SKI: variants seen among roughly 807,000 people sequenced by gnomAD.
The protein encoded by SKI is ski oncogene.
SKI carries 23 observed loss-of-function variants against 59.3 expected under a neutral mutation model. The observed-to-expected ratio is 0.39, with a 90% confidence interval of 0.28 to 0.55. SKI has a LOEUF of 0.55. Among genes scored for constraint, SKI ranks in the 20% least tolerant of loss-of-function variants. The pLI, the probability that SKI is intolerant of heterozygous loss-of-function variation, is 0.67. For synonymous variants in SKI, 673 were observed against 488.6 expected (o/e 1.38, Z -4.98); for missense variants, 1,017 against 1,038.9 (o/e 0.98, Z 0.29).
At chr1:2,285,660 G>A (rs1408853398) in intron 1 of SKI, among the ~76,000 whole-genome samples, 1 of 151,062 alleles carries the variant, frequency 6.6e-6, no homozygotes, top group Non-Finnish European at 1.5e-5. Flanking sequence ...CGCCTCCCGG[G>A]TTCAGGCAGT....
At chr1:2,279,560 A>G (rs1035084780) in intron 1 of SKI, among the ~76,000 whole-genome samples, 3 of 148,152 alleles carry the variant, frequency 2.0e-5, no homozygotes, top group African/African-American at 7.4e-5. Context: ...TCCTCTGACA[A>G]CAGCTCCAGC....
chr1:2,296,764 G>A (rs1384752423), intron 1 of SKI, among the ~76,000 whole-genome samples: 1 of 152,128 alleles, frequency 6.6e-6, no homozygotes, highest in East Asian at 1.9e-4. Context: ...TTTTCTCTCT[G>A]TTCCTTGTGC....
At chr1:2,284,200 C>T (rs1174921387) in intron 1 of SKI, among the ~76,000 whole-genome samples, 1 of 152,146 alleles carries the variant, frequency 6.6e-6, no homozygotes, top group Non-Finnish European at 1.5e-5. Context: ...GGCCCCAACA[C>T]AGCGTCCTCC....
At chr1:2,238,384 G>A (rs1357306426) in intron 1 of SKI, among the ~76,000 whole-genome samples, 3 of 152,012 alleles carry the variant, frequency 2.0e-5, no homozygotes, top group Non-Finnish European at 4.4e-5. Flanking sequence ...AAGGTCGGCG[G>A]CCCTGCGTGG....
In SKI at chr1:2,304,605, C is replaced by G; in HGVS notation, c.1767+20C>G. 1 of 1,535,980 alleles carries G rather than the reference C, an allele frequency of 6.5e-7. No homozygotes were observed. The highest frequency in any genetic ancestry group is 8.8e-7 in the Non-Finnish European group (1 of 1,138,358). On this transcript the variant is annotated intron_variant, in intron 5 of 6. Transcript: ENST00000378536. ...CACCAGGTGAGCGGGGCGAGTGGTGCTGGGAGGTCCAGGGCACGGGCAGTG... is the reference window on the plus strand; with the variant it reads ...CACCAGGTGAGCGGGGCGAGTGGTGGTGGGAGGTCCAGGGCACGGGCAGTG...
chr1:2,255,859 G>C (rs1420161361), intron 1 of SKI, among the ~76,000 whole-genome samples: 1 of 133,452 alleles, frequency 7.5e-6, no homozygotes, highest in Non-Finnish European at 1.6e-5. Flanking sequence ...TGCTGTGTCC[G>C]GATTGCATTT....
intron 1 of SKI, among the ~76,000 whole-genome samples, chr1:2,241,642 C>T (rs548660959): frequency 6.6e-6 from 1 of 152,220 alleles, no homozygotes; most frequent in Non-Finnish European, 1.5e-5. Flanking sequence ...ATCCGCCCGC[C>T]TCGGCCTCCC....
intron 1 of SKI, among the ~76,000 whole-genome samples, chr1:2,296,100 C>G (rs1004916945): frequency 4.6e-5 from 7 of 151,922 alleles, no homozygotes; most frequent in African/African-American, 1.7e-4. Context: ...CTAAAAAATT[C>G]TAGGCCAGGC....
At position 2,269,327 on chromosome 1, in the gene SKI, AG is replaced by A. The variant is rs1320715822; in HGVS notation, c.970-33647del. On this transcript the variant is annotated intron_variant, in intron 1 of 6. Transcript: ENST00000378536. This position sits in a 1 kb window ranked among gnomAD's most constrained non-coding sequence, Gnocchi z 4.7. The stretch of plus-strand genomic sequence containing the variant: ...ACTGGGCAGAGCCAGAGAGTGACTA[AG>A]GGGCTGTTAGGACAGAGACAGTGGG... 2.0e-5 allele frequency among the ~76,000 whole-genome samples: 3 copies of A among 152,220 alleles called. No homozygotes were observed. The highest frequency in any genetic ancestry group is 7.2e-5 in the African/African-American group (3 of 41,458).
intron 1 of SKI, among the ~76,000 whole-genome samples, chr1:2,255,510 GCT>G (rs1639254410): frequency 6.6e-6 from 1 of 150,502 alleles, no homozygotes; most frequent in African/African-American, 2.4e-5. Context: ...CCTGCCTGGA[GCT>G]CTCTGTGTCC....
At chr1:2,233,442 C>A (rs1383427094) in intron 1 of SKI, among the ~76,000 whole-genome samples, 2 of 152,126 alleles carry the variant, frequency 1.3e-5, no homozygotes, top group Non-Finnish European at 2.9e-5. Flanking sequence ...TGTTGTTGCT[C>A]TGTCCTGCAG....
chr1:2,238,402 C>T (rs924607158), intron 1 of SKI, among the ~76,000 whole-genome samples: 1 of 152,248 alleles, frequency 6.6e-6, no homozygotes, highest in Admixed American at 6.5e-5. Flanking sequence ...TGGACCTACA[C>T]GGTACCCAGG....
chr1:2,235,380 G>T (rs1037853023), intron 1 of SKI, among the ~76,000 whole-genome samples: 4 of 152,188 alleles, frequency 2.6e-5, no homozygotes, highest in Non-Finnish European at 4.4e-5. Flanking sequence ...CATCCCCGGG[G>T]TCTGCGGGCT....
chr1:2,300,481 C>G (rs1364033295), intron 1 of SKI, among the ~76,000 whole-genome samples: 1 of 152,208 alleles, frequency 6.6e-6, no homozygotes, highest in African/African-American at 2.4e-5. Context: ...GGTTTTGTCC[C>G]TGACCGACAG....
At chr1:2,289,754 T>A (rs1640122654) in intron 1 of SKI, among the ~76,000 whole-genome samples, 1 of 152,110 alleles carries the variant, frequency 6.6e-6, no homozygotes, top group African/African-American at 2.4e-5. Flanking sequence ...CACAGCAGCA[T>A]CTGGGTTGAC....
At chr1:2,246,043 G>A (rs1231396243) in intron 1 of SKI, among the ~76,000 whole-genome samples, 4 of 152,014 alleles carry the variant, frequency 2.6e-5, no homozygotes, top group South Asian at 2.1e-4. Flanking sequence ...CCGTCATCCC[G>A]CCTCGGCCTC....
chr1:2,235,506 G>C (rs938362940), intron 1 of SKI, among the ~76,000 whole-genome samples: 2 of 152,234 alleles, frequency 1.3e-5, no homozygotes, highest in Admixed American at 1.3e-4. Flanking sequence ...GGGCTGGGGG[G>C]CATGATAAGC....
chr1:2,238,796 GTCAGCGGGCC>G (rs1638804737), intron 1 of SKI, among the ~76,000 whole-genome samples: 1 of 152,248 alleles, frequency 6.6e-6, no homozygotes, highest in Non-Finnish European at 1.5e-5. Flanking sequence ...AACCTCCGCT[GTCAGCGGGCC>G]AGGCCACACT....
At chr1:2,297,051 T>C (rs779279475) in intron 1 of SKI, among the ~76,000 whole-genome samples, 1 of 151,988 alleles carries the variant, frequency 6.6e-6, no homozygotes, top group Non-Finnish European at 1.5e-5. Context: ...GCACAGGCTC[T>C]TGGTGTGGGC....
Sources: allele counts gnomAD v4.1 joint callset (sites outside exome capture counted in the v4.1 genomes callset), GRCh38; gene constraint gnomAD v4.1.1; non-coding constraint Gnocchi (gnomAD v3.1); transcripts MANE v1.5; gene names NCBI Gene and HGNC (gene_info 2026-07-23, HGNC 2026-07-21).